Variants in SUGCT observed in about 807,000 individuals in gnomAD.
SUGCT encodes succinyl-CoA:glutarate CoA-transferase.
SUGCT carries 41 observed loss-of-function variants against 55.0 expected under a neutral mutation model. The observed-to-expected ratio is 0.74, with a 90% CI of 0.58 to 0.97. SUGCT has a LOEUF of 0.97. SUGCT is among the 50% of genes least tolerant of loss of function. SUGCT has a pLI of 0.00. For missense variants in SUGCT, 568 were observed against 547.8 expected (o/e 1.04, Z -0.37); for synonymous variants, 187 against 200.4 (o/e 0.93, Z 0.56).
chr7:40,565,025 A>G (rs931076121), intron 12 of SUGCT, among the ~76,000 whole-genome samples: 10 of 152,246 alleles, frequency 6.6e-5, no homozygotes, highest in African/African-American at 2.4e-4. Context: ...ACATCCTTCA[A>G]CTAGAGAAAC....
intron 12 of SUGCT, among the ~76,000 whole-genome samples, chr7:40,544,424 C>G (rs1055554028): frequency 2.0e-5 from 3 of 152,156 alleles, no homozygotes; most frequent in Non-Finnish European, 4.4e-5. Context: ...GAAGAATCTT[C>G]TTTGCAGCGG....
chr7:40,275,183 C>T (rs1336327301), intron 8 of SUGCT, among the ~76,000 whole-genome samples: 1 of 152,058 alleles, frequency 6.6e-6, no homozygotes, highest in Non-Finnish European at 1.5e-5. Flanking sequence ...CCAAATTTTC[C>T]AGGCTGTTTT....
At chr7:40,937,654 T>A in the SUGCT span, among the ~76,000 whole-genome samples, 2 of 152,244 alleles carry the variant, frequency 1.3e-5, no homozygotes, top group African/African-American at 2.4e-5. Flanking sequence ...TTTTGCTATT[T>A]GTTTCTAGCA....
intron 12 of SUGCT, among the ~76,000 whole-genome samples, chr7:40,748,037 G>C (rs1190939208): frequency 6.6e-6 from 1 of 151,840 alleles, no homozygotes; most frequent in African/African-American, 2.4e-5. Context: ...CATTTCTCTT[G>C]TCAGGCACTG....
At chr7:41,030,246 T>TC in the SUGCT span, among the ~76,000 whole-genome samples, 2 of 152,278 alleles carry the variant, frequency 1.3e-5, no homozygotes, top group East Asian at 3.9e-4. Context: ...CCAGAGGCTT[T>TC]TTTTTTTCAT....
intron 12 of SUGCT, among the ~76,000 whole-genome samples, chr7:40,501,006 G>T (rs1792252891): frequency 6.6e-6 from 1 of 152,106 alleles, no homozygotes; most frequent in South Asian, 2.1e-4. Flanking sequence ...CCCTCAGAGG[G>T]TTATACAAGT....
Position 40,723,148 on chromosome 7 carries a change from T to A in SUGCT, c.1090-26286T>A, listed in dbSNP as rs552321908. 1.3e-4 allele frequency among the ~76,000 whole-genome samples: 20 copies of A among 151,846 alleles called. No individual in the cohort carries two copies. The South Asian group carries it at 4.0e-3, about 30-fold the overall frequency. On this transcript the variant is annotated intron_variant, in intron 12 of 13. Transcript: ENST00000335693. ...CATACTATTTCATAAGCACACGAGA[T>A]GCATTTATGTGAGGCTGGACCTTAG...
Position 40,316,752 on chromosome 7 carries a change from C to A in SUGCT, c.721-8C>A, listed in dbSNP as rs1421397043. ...TCTATTTTATTTATTTACTTTTTTT[C>A]CTGGTAGGTGGCGTGTTTGTCTCAC... On this transcript the variant is annotated splice_region_variant and splice_polypyrimidine_tract_variant and intron_variant, in intron 8 of 13. Coordinates refer to ENST00000335693, the MANE Select transcript of SUGCT (RefSeq NM_001193313.2). 4 of 1,566,738 alleles carry A rather than the reference C, an allele frequency of 2.6e-6. No individual in the cohort carries two copies. The highest frequency in any genetic ancestry group is 3.7e-5 in the Admixed American group (2 of 54,700).
chr7:40,411,419 A>G (rs1264494706), intron 9 of SUGCT, among the ~76,000 whole-genome samples: 1 of 152,208 alleles, frequency 6.6e-6, no homozygotes, highest in Non-Finnish European at 1.5e-5. Flanking sequence ...AAGCCAATGA[A>G]TTATACATTT....
intron 12 of SUGCT, among the ~76,000 whole-genome samples, chr7:40,609,561 A>G (rs575251656): frequency 1.6e-4 from 25 of 152,060 alleles, no homozygotes; most frequent in African/African-American, 5.3e-4. Context: ...AAAAAAAAAA[A>G]AAAAAGAAAA....
At chr7:40,259,851 T>G (rs1374259327) in intron 7 of SUGCT, among the ~76,000 whole-genome samples, 2 of 152,234 alleles carry the variant, frequency 1.3e-5, no homozygotes, top group Non-Finnish European at 2.9e-5. Flanking sequence ...TTTCACTCAT[T>G]TATTTAGTCA....
intron 7 of SUGCT, among the ~76,000 whole-genome samples, chr7:40,240,868 A>G (rs1308804697): frequency 1.3e-5 from 2 of 152,134 alleles, no homozygotes; most frequent in Non-Finnish European, 2.9e-5. Context: ...CTGAGGGCAT[A>G]TATTTAGGGT....
At chr7:40,322,181 G>C (rs777429450) in intron 9 of SUGCT, among the ~76,000 whole-genome samples, 1 of 152,014 alleles carries the variant, frequency 6.6e-6, no homozygotes, top group Non-Finnish European at 1.5e-5. Flanking sequence ...CATATCCTTT[G>C]ATTGTTACCA....
In SUGCT at chr7:40,321,082, T is replaced by C. The variant is rs550492494; in HGVS notation, c.816+4227T>C. 3.7e-3 allele frequency among the ~76,000 whole-genome samples: 489 copies of C among 133,510 alleles called. 4 individuals are homozygous for C. Among genetic ancestry groups the C allele is most frequent in the African/African-American group, 0.011 (414 of 37,196 alleles). 87.6% of individuals were successfully genotyped at this position (133,510 alleles called of 152,430 possible). A position where few individuals can be genotyped will look rare whatever the true frequency, so the allele number is the denominator to read the frequency against. ...TTCTTTTTTCTTTCTTTCTTTCTTTTTTTTTTTTTTTTGAAGTGGAGTCTC... is the reference window on the plus strand; with the variant it reads ...TTCTTTTTTCTTTCTTTCTTTCTTTCTTTTTTTTTTTTGAAGTGGAGTCTC... On this transcript the variant is annotated intron_variant, in intron 9 of 13. Transcript: ENST00000335693.
intron 12 of SUGCT, among the ~76,000 whole-genome samples, chr7:40,497,195 A>G (rs1185324433): frequency 2.0e-5 from 3 of 152,150 alleles, no homozygotes; most frequent in East Asian, 1.9e-4. Flanking sequence ...ATTCAAAACC[A>G]TGGGGTATAT....
chr7:40,444,037 T>C (rs575970694), intron 9 of SUGCT, among the ~76,000 whole-genome samples: 1 of 151,916 alleles, frequency 6.6e-6, no homozygotes, highest in African/African-American at 2.4e-5. Flanking sequence ...GGTTGTAGAT[T>C]TGTGGTATTA....
At chr7:40,722,644 CTTTAT>C (rs1329556996) in intron 12 of SUGCT, among the ~76,000 whole-genome samples, 1 of 152,026 alleles carries the variant, frequency 6.6e-6, no homozygotes, top group Non-Finnish European at 1.5e-5. Flanking sequence ...TCCACTATAG[CTTTAT>C]TTTATTATTT....
the SUGCT span, among the ~76,000 whole-genome samples, chr7:40,871,646 CAGT>C: frequency 2.0e-5 from 3 of 152,248 alleles, no homozygotes; most frequent in African/African-American, 7.2e-5. Flanking sequence ...GTGGTTTCTG[CAGT>C]AGGTCACCTT....
chr7:40,739,348 A>G (rs1787344676), intron 12 of SUGCT, among the ~76,000 whole-genome samples: 1 of 152,176 alleles, frequency 6.6e-6, no homozygotes, highest in Non-Finnish European at 1.5e-5. Context: ...ATCATATACT[A>G]TGTAATCTTT....
Sources: allele counts gnomAD v4.1 joint callset (sites outside exome capture counted in the v4.1 genomes callset), GRCh38; gene constraint gnomAD v4.1.1; transcripts MANE v1.5; gene names NCBI Gene and HGNC (gene_info 2026-07-23, HGNC 2026-07-21).